The following XRCC1 variants were observed in gnomAD, a reference collection of about 807,000 sequenced individuals.
The protein encoded by XRCC1 is DNA repair protein XRCC1.
Under a neutral mutation model 83.3 loss-of-function variants are expected in XRCC1, and 52 were observed. The observed-to-expected ratio is 0.62, with a 90% confidence interval of 0.50 to 0.79. The LOEUF (loss-of-function observed/expected upper bound fraction) is 0.79, where lower values mean the gene tolerates loss of function less well. Ranked by LOEUF, XRCC1 falls within the 30% of genes least tolerant of loss-of-function variation. The probability of loss-of-function intolerance (pLI) is 0.00; values close to 1 mark genes in which losing one functional copy is unlikely to be tolerated. For missense variants in XRCC1, 793 were observed against 823.5 expected (o/e 0.96, Z 0.45); for synonymous variants, 281 against 312.6 (o/e 0.90, Z 1.07).
At position 43,544,190 on chromosome 19, in the gene XRCC1, C is replaced by T; in HGVS notation, c.1666G>A (p.Gly556Arg). ...KHFFLYGEFP[G>R]DERRKLIRYV... ...CGGATGAGTTTCCGCCGCTCGTCCCCAGGGAACTCCCCGTAAAGAAAGAAG... is the reference window on the plus strand; with the variant it reads ...CGGATGAGTTTCCGCCGCTCGTCCCTAGGGAACTCCCCGTAAAGAAAGAAG... The change falls in exon 15 of 17, where the codon GGG becomes AGG. Residue 556 changes from glycine (G) to arginine (R), a missense_variant. Coordinates refer to ENST00000262887, the MANE Select transcript of XRCC1 (RefSeq NM_006297.3). The T allele has an allele frequency of 6.2e-7, 1 of 1,611,322 alleles. No individual in the cohort carries two copies. The highest frequency in any genetic ancestry group is 1.1e-5 in the South Asian group (1 of 90,280).
chr19:43,547,127 C>T, intron 10 of XRCC1, 150 bp from the exon 11 acceptor site: 1 of 744,642 alleles, frequency 1.3e-6, no homozygotes, highest in Non-Finnish European at 2.1e-6. Context: ...CTCAGGAAGG[C>T]CCCAGTGAAC....
At chr19:43,564,880 T>A (rs1420940807) in intron 2 of XRCC1, among the ~76,000 whole-genome samples, 3 of 152,132 alleles carry the variant, frequency 2.0e-5, no homozygotes, top group African/African-American at 7.2e-5. Context: ...AAAATCTAGA[T>A]GCGGCAGGGC....
Position 43,543,340 on chromosome 19 carries a change from T to C in XRCC1, c.*52A>G. The stretch of plus-strand genomic sequence containing the variant: ...AACCAACTCATCTTTATTAAATGCA[T>C]CGTGTGTGTGTGTGTGTGTGTGTGT... On this transcript the variant is annotated 3_prime_UTR_variant, in exon 17 of 17. Coordinates refer to ENST00000262887, the MANE Select transcript of XRCC1 (RefSeq NM_006297.3). The C allele has an allele frequency of 8.7e-7, 1 of 1,149,120 alleles. No homozygotes were observed. The highest frequency in any genetic ancestry group is 1.2e-6 in the Non-Finnish European group (1 of 834,530). The allele number at this position is 1,149,120 out of a possible 1,614,324, so 71.2% of individuals were successfully genotyped here.
At chr19:43,571,008 G>T (rs1972802356) in intron 2 of XRCC1, among the ~76,000 whole-genome samples, 1 of 152,186 alleles carries the variant, frequency 6.6e-6, no homozygotes, top group Non-Finnish European at 1.5e-5. Flanking sequence ...CCTGTGTGTG[G>T]CCCCTGCAGT....
At chr19:43,555,482 G>C (rs1352734551) in intron 3 of XRCC1, 3 of 152,204 alleles carry the variant, frequency 2.0e-5, no homozygotes, top group Admixed American at 2.0e-4. Context: ...AGTGGTTCCT[G>C]CCTGCAGCAG....
In XRCC1 at chr19:43,552,916, G is replaced by T; in HGVS notation, c.712-8C>A. The T allele has an allele frequency of 6.2e-7, 1 of 1,612,718 alleles. No homozygotes were observed. The highest frequency in any genetic ancestry group is 8.5e-7 in the Non-Finnish European group (1 of 1,179,388). On this transcript the variant is annotated splice_region_variant and splice_polypyrimidine_tract_variant and intron_variant, in intron 7 of 16. Transcript: ENST00000262887. Reference sequence around the variant, plus strand: ...TTTGGGAGACTCCTGGGGCTGAGGGGATGGGGATGGATTGAGGCCTCCAGC... The same window carrying T: ...TTTGGGAGACTCCTGGGGCTGAGGGTATGGGGATGGATTGAGGCCTCCAGC...
At position 43,545,857 on chromosome 19, in the gene XRCC1, G is replaced by T; in HGVS notation, c.1582C>A (p.His528Asn). The change falls in exon 14 of 17, where the codon CAC becomes AAC. Residue 528 changes from histidine (H) to asparagine (N), a missense_variant. Transcript: ENST00000262887. The stretch of plus-strand genomic sequence containing the variant: ...ACTGGCAGATCAGGAGGCTCCTGGT[G>T]TTCCTCACTGTCCGTGTTCTCATCC... ...STDENTDSEE[H>N]QEPPDLPVPE... 2.5e-6 allele frequency: 4 copies of T among 1,613,974 alleles called. No homozygotes were observed. The highest frequency in any genetic ancestry group is 3.4e-6 in the Non-Finnish European group (4 of 1,179,892).
Position 43,544,910 on chromosome 19 carries a change from G to A in XRCC1, c.1622-676C>T, listed in dbSNP as rs1387083820. Among the ~76,000 whole-genome samples the A allele has an allele frequency of 3.3e-5, 5 of 152,010 alleles. No individual in the cohort carries two copies. The East Asian group carries it at 5.8e-4, about 18-fold the overall frequency. On this transcript the variant is annotated intron_variant, in intron 14 of 16. Coordinates refer to ENST00000262887, the MANE Select transcript of XRCC1 (RefSeq NM_006297.3). ...TGGACTCAAGCAGTCCTCCCACCTC[G>A]GCCTCTCAAAGTACGGGGTGAGCCA... is the stretch of plus-strand genomic sequence containing the variant.
intron 2 of XRCC1, among the ~76,000 whole-genome samples, chr19:43,568,034 C>T (rs892929148): frequency 2.0e-5 from 3 of 151,810 alleles, no homozygotes; most frequent in Admixed American, 2.0e-4. Flanking sequence ...ACCACTGCAC[C>T]TGGCTAATTT....
intron 2 of XRCC1, among the ~76,000 whole-genome samples, chr19:43,561,499 C>A (rs1250006523): frequency 1.3e-5 from 2 of 152,242 alleles, no homozygotes; most frequent in African/African-American, 4.8e-5. Context: ...TGCACACTAG[C>A]TGTATGACCA....
intron 10 of XRCC1, among the ~76,000 whole-genome samples, chr19:43,550,829 C>T (rs1263779608): frequency 1.3e-5 from 2 of 152,218 alleles, no homozygotes; most frequent in East Asian, 1.9e-4. Context: ...TCTCTGCGGG[C>T]CACCCTGTGG....
At position 43,546,642 on chromosome 19, in the gene XRCC1, G is replaced by A. The variant is rs1322986210; in HGVS notation, c.1379C>T (p.Ala460Val). Residue 460 changes from alanine to valine, a missense_variant, in exon 12 of 17, where the codon GCC becomes GTC. Coordinates refer to ENST00000262887, the MANE Select transcript of XRCC1 (RefSeq NM_006297.3). The stretch of plus-strand genomic sequence containing the variant: ...TATATCTTCCTGGAGCACTGGTGAG[G>A]CTGCTTTGGTCTCTTCAGGGGTTGG... ...KPPTPEETKA[A>V]SPVLQEDIDI... 1.2e-6 allele frequency: 2 copies of A among 1,611,948 alleles called. No individual in the cohort carries two copies. The highest frequency in any genetic ancestry group is 1.7e-6 in the Non-Finnish European group (2 of 1,179,424).
intron 3 of XRCC1, among the ~76,000 whole-genome samples, chr19:43,557,551 T>A (rs1311110496): frequency 1.3e-5 from 2 of 151,832 alleles, no homozygotes; most frequent in Non-Finnish European, 2.9e-5. Flanking sequence ...CTATACTTGT[T>A]TATAAAAGGC....
Position 43,545,943 on chromosome 19 carries a change from T to C in XRCC1, c.1496A>G (p.Lys499Arg). 3.1e-6 allele frequency: 5 copies of C among 1,613,866 alleles called. No homozygotes were observed. Among genetic ancestry groups the C allele is most frequent in the Non-Finnish European group, 4.2e-6 (5 of 1,179,862 alleles). ...CTGGCCAGGGGGCAGTCTGTGTTCC[T>C]TCTGCTCTGCCACCCTGGGGGTGCC... ...EDELRRVAEQ[K>R]EHRLPPGQEE... is the part of the protein sequence containing the mutation. The change falls in exon 14 of 17, where the codon AAG becomes AGG. Residue 499 changes from lysine to arginine, a missense_variant. Transcript: ENST00000262887.
In XRCC1 at chr19:43,549,183, T is replaced by TA. The variant is rs969874301; in HGVS notation, c.1200-2207dup. 4.0e-5 allele frequency among the ~76,000 whole-genome samples: 6 copies of TA among 149,354 alleles called. No homozygotes were observed. In the East Asian group the frequency reaches 5.8e-4, roughly 15 times the overall value. Reference sequence around the variant, plus strand: ...TCTTCAAAGTGCTCTATTCAAAGATTAAAAAAAAAACTAAATTTGTGCTTA... The same window carrying TA: ...TCTTCAAAGTGCTCTATTCAAAGATTAAAAAAAAAAACTAAATTTGTGCTTA... On this transcript the variant is annotated intron_variant, in intron 10 of 16. Coordinates refer to ENST00000262887, the MANE Select transcript of XRCC1 (RefSeq NM_006297.3).
chr19:43,573,264 G>A (rs1972822323), intron 2 of XRCC1, among the ~76,000 whole-genome samples: 1 of 152,150 alleles, frequency 6.6e-6, no homozygotes, highest in Non-Finnish European at 1.5e-5. Context: ...TTTGGCTGCA[G>A]TTTGGGAGGA....
In XRCC1 at chr19:43,565,011, G is replaced by A. The variant is rs3213304; in HGVS notation, c.145-3991C>T. Among the ~76,000 whole-genome samples the A allele has an allele frequency of 2.5e-3, 380 of 152,172 alleles. 3 individuals carry two copies. Among genetic ancestry groups the A allele is most frequent in the African/African-American group, 8.5e-3 (353 of 41,510 alleles). On this transcript the variant is annotated intron_variant, in intron 2 of 16. Transcript: ENST00000262887. The stretch of plus-strand genomic sequence containing the variant: ...CCTCGTCTTCAAAGCTGCTGAAAGC[G>A]CTGGCATCACTCCAGGCTCTGCTTG...
rs775245772 is a variant in XRCC1, at chr19:43,575,391, C to A, written c.51+17G>T. On this transcript the variant is annotated intron_variant, in intron 1 of 16. Coordinates refer to ENST00000262887, the MANE Select transcript of XRCC1 (RefSeq NM_006297.3). ...ATTCCCTCACGTCTTCCAACCTCCC[C>A]CATGCAGGTCCCTCACCGAGTCCTG... The A allele has an allele frequency of 1.3e-6, 2 of 1,592,138 alleles. No individual in the cohort carries two copies. The highest frequency in any genetic ancestry group is 1.7e-6 in the Non-Finnish European group (2 of 1,165,654).
chr19:43,567,205 T>C (rs1810179331), intron 2 of XRCC1, among the ~76,000 whole-genome samples: 1 of 152,114 alleles, frequency 6.6e-6, no homozygotes, highest in African/African-American at 2.4e-5. Context: ...TGGTTTCTTT[T>C]TGGAGTGATG....
Sources: allele counts gnomAD v4.1 joint callset (sites outside exome capture counted in the v4.1 genomes callset), GRCh38; gene constraint gnomAD v4.1.1; transcripts MANE v1.5; gene names NCBI Gene and HGNC (gene_info 2026-07-23, HGNC 2026-07-21).